TRIP11: variants seen among roughly 807,000 people sequenced by gnomAD.
TRIP11 encodes thyroid hormone receptor interactor 11, also known as thyroid receptor-interacting protein 11.
A neutral mutation model predicts 223.1 loss-of-function variants in TRIP11; 148 were observed. The observed-to-expected ratio is 0.66, with a 90% CI of 0.58 to 0.76. The LOEUF (loss-of-function observed/expected upper bound fraction) is 0.76, where lower values mean the gene tolerates loss of function less well. Ranked by LOEUF, TRIP11 falls within the 30% of genes least tolerant of loss-of-function variation. The pLI is 0.00. For synonymous variants in TRIP11, 762 were observed against 772.6 expected (o/e 0.99, Z 0.23); for missense variants, 2,043 against 2,222.0 (o/e 0.92, Z 1.62).
At chr14:92,007,484 T>C (rs1426182510) in intron 10 of TRIP11, among the ~76,000 whole-genome samples, 156 bp downstream of exon 10, 3 of 152,252 alleles carry the variant, frequency 2.0e-5, no homozygotes, top group African/African-American at 7.2e-5. Context: ...TGAGACAATA[T>C]GGCCTACAAG....
At chr14:92,010,424 G>C (rs1475666288) in intron 9 of TRIP11, among the ~76,000 whole-genome samples, 1 of 152,160 alleles carries the variant, frequency 6.6e-6, no homozygotes, top group African/African-American at 2.4e-5. Flanking sequence ...CAGCAACTCA[G>C]GAGGTTGAGG....
rs1171659957 is a variant in TRIP11, at chr14:92,039,634, G to A, written c.52C>T (p.Gln18Ter). Reference sequence around the variant, plus strand: ...AGGGAAGCCAGGCTGCCCCCGACTTGACCCAGAGACTGGCCCAATCCGGAG... The same window carrying A: ...AGGGAAGCCAGGCTGCCCCCGACTTAACCCAGAGACTGGCCCAATCCGGAG... The part of the protein sequence containing the change: ...LGSGLGQSLG[Q>*]VGGSLASLTG... The change falls in exon 1 of 21, where the codon CAA becomes TAA. Residue 18 changes from glutamine to a stop codon, truncating the protein, a stop_gained. Coordinates refer to ENST00000267622, the MANE Select transcript of TRIP11 (RefSeq NM_004239.4). LOFTEE classifies it high-confidence loss of function. 6.2e-7 allele frequency: 1 copy of A among 1,612,518 alleles called. No individual in the cohort carries two copies. Among genetic ancestry groups the A allele is most frequent in the Non-Finnish European group, 8.5e-7 (1 of 1,179,388 alleles).
chr14:92,030,315 C>G (rs1216691042), intron 2 of TRIP11, among the ~76,000 whole-genome samples: 3 of 151,980 alleles, frequency 2.0e-5, no homozygotes, highest in African/African-American at 7.2e-5. Flanking sequence ...ATACTTCACT[C>G]TGCATTATTT....
intron 4 of TRIP11, among the ~76,000 whole-genome samples, 165 bp downstream of exon 4, chr14:92,021,391 A>G (rs1316285527): frequency 7.2e-6 from 1 of 138,716 alleles, no homozygotes; most frequent in Non-Finnish European, 1.5e-5. Flanking sequence ...TCTGTCTCAA[A>G]AAAAAAAAAA....
chr14:91,987,903 T>C (rs769724578), intron 16 of TRIP11, among the ~76,000 whole-genome samples: 11 of 152,236 alleles, frequency 7.2e-5, no homozygotes, highest in Non-Finnish European at 1.5e-4. Flanking sequence ...AGAAAGTTGC[T>C]CTTTTATTTG....
At chr14:91,981,982 A>G (rs2056551439) in intron 16 of TRIP11, among the ~76,000 whole-genome samples, 1 of 152,106 alleles carries the variant, frequency 6.6e-6, no homozygotes, top group African/African-American at 2.4e-5. Context: ...GCCTCTTAAA[A>G]ATAAAAATAA....
intron 12 of TRIP11, 148 bp from the exon 13 acceptor site, chr14:91,999,581 A>G: frequency 4.5e-6 from 4 of 896,732 alleles, no homozygotes; most frequent in Non-Finnish European, 6.8e-6. Context: ...CTAGGAAAAA[A>G]TTATCTTGAA....
In TRIP11 at chr14:92,003,883, T is replaced by G. The variant is rs756307294; in HGVS notation, c.4093A>C (p.Thr1365Pro). 6.2e-7 allele frequency: 1 copy of G among 1,613,838 alleles called. No homozygotes were observed. Among genetic ancestry groups the G allele is most frequent in the Non-Finnish European group, 8.5e-7 (1 of 1,180,020 alleles). The change falls in exon 11 of 21, where the codon ACT (threonine) becomes CCT (proline). Residue 1365 changes from threonine to proline, a missense_variant. Thr to Pro is a conservative substitution (Grantham distance 38). Coordinates refer to ENST00000267622, the MANE Select transcript of TRIP11 (RefSeq NM_004239.4). ...AATCTGTGGTTATTTTCCTGGAGAG[T>G]TCTAATTGTTGCATCTTTTTCCTGT... ...SLQEKDATIR[T>P]LQENNHRLSD...
chr14:92,004,637 G>A lies in TRIP11; in HGVS notation c.3339C>T (p.Ser1113=). ...AVLNEKTREN[S]HLKTEYHKMM... ...TTTTGTGATATTCTGTTTTTAGATG[G>A]CTATTTTCCCTAGTCTTCTCATTCA... The change falls in exon 11 of 21, where the codon AGC becomes AGT. Residue 1113 remains serine, a synonymous_variant. Transcript: ENST00000267622. The A allele has an allele frequency of 6.2e-7, 1 of 1,614,012 alleles. No homozygotes were observed. Among genetic ancestry groups the A allele is most frequent in the Non-Finnish European group, 8.5e-7 (1 of 1,179,996 alleles).
Position 92,005,258 on chromosome 14 carries a change from T to A in TRIP11, c.2718A>T (p.Glu906Asp). ...GATGTTTAATTTCCTCTTCAAGATGTTCCTTGATCGTGTTCAGTTGAGATA... is the reference window on the plus strand; with the variant it reads ...GATGTTTAATTTCCTCTTCAAGATGATCCTTGATCGTGTTCAGTTGAGATA... ...SEVSQLNTIKEHLEEEIKHHQ... is the reference protein window; with the variant it reads ...SEVSQLNTIKDHLEEEIKHHQ... Residue 906 changes from glutamate (E) to aspartate (D), a missense_variant, in exon 11 of 21, where the codon GAA becomes GAT. By Grantham distance (45) the Glu-to-Asp change is conservative. Coordinates refer to ENST00000267622, the MANE Select transcript of TRIP11 (RefSeq NM_004239.4). 4.3e-6 allele frequency: 7 copies of A among 1,614,190 alleles called. No individual in the cohort carries two copies. The highest frequency in any genetic ancestry group is 5.9e-6 in the Non-Finnish European group (7 of 1,180,022).
At chr14:91,983,785 G>A (rs561570145) in intron 16 of TRIP11, among the ~76,000 whole-genome samples, 6 of 152,234 alleles carry the variant, frequency 3.9e-5, no homozygotes, top group South Asian at 2.1e-4. Flanking sequence ...GTAACAAAGC[G>A]TCTGGGAATG....
At chr14:92,021,016 G>A (rs1595402233) in intron 4 of TRIP11, among the ~76,000 whole-genome samples, 1 of 147,584 alleles carries the variant, frequency 6.8e-6, no homozygotes, top group East Asian at 2.0e-4. Flanking sequence ...GTTGCAGTGA[G>A]CCAATACTGT....
In TRIP11 at chr14:92,037,833, G is replaced by A. The variant is rs2057339963; in HGVS notation, c.139+1714C>T. 1.3e-5 allele frequency among the ~76,000 whole-genome samples: 2 copies of A among 152,304 alleles called. No homozygotes were observed. The highest frequency in any genetic ancestry group is 6.5e-5 in the Admixed American group (1 of 15,304). On this transcript the variant is annotated intron_variant, in intron 1 of 20. Coordinates refer to ENST00000267622, the MANE Select transcript of TRIP11 (RefSeq NM_004239.4). This position sits in a 1 kb window ranked among gnomAD's most constrained non-coding sequence, Gnocchi z 4.2. Reference sequence around the variant, plus strand: ...GAAGGTTGCAGCGAGCCGAGATCGCGCCACTGCATCCAGCCTACGCAACAG... The same window carrying A: ...GAAGGTTGCAGCGAGCCGAGATCGCACCACTGCATCCAGCCTACGCAACAG...
chr14:91,990,535 C>T (rs2056658347), intron 15 of TRIP11, among the ~76,000 whole-genome samples: 1 of 152,130 alleles, frequency 6.6e-6, no homozygotes, highest in Admixed American at 6.6e-5. Flanking sequence ...GTGACACATG[C>T]CTATAGTCCC....
At chr14:91,983,102 C>T (rs549755391) in intron 16 of TRIP11, among the ~76,000 whole-genome samples, 1 of 152,296 alleles carries the variant, frequency 6.6e-6, no homozygotes, top group South Asian at 2.1e-4. Context: ...TCAAGTGAGC[C>T]CTTCACTAAC....
At chr14:92,011,820 A>G (rs773108968) in intron 7 of TRIP11, 25 bp from the exon 8 acceptor site, 4 of 1,606,280 alleles carry the variant, frequency 2.5e-6, no homozygotes, top group Non-Finnish European at 2.6e-6. Flanking sequence ...AATGAACTTG[A>G]CATTAAAATT....
chr14:91,981,564 T>C (rs988562194), intron 16 of TRIP11, among the ~76,000 whole-genome samples: 30 of 152,012 alleles, frequency 2.0e-4, no homozygotes, highest in Non-Finnish European at 3.8e-4. Context: ...CCAATTTTTT[T>C]GTATTTTTAG....
chr14:92,004,246 C>T lies in TRIP11; in HGVS notation c.3730G>A (p.Glu1244Lys), dbSNP rs568313894. ...TGTGCTTGAAGTTGGTGAAGCTCTT[C>T]CTGAAGCTGGGCTGACTCGTGTTGC... ...NMQHESAQLQ[E>K]ELHQLQAQVL... Residue 1244 changes from glutamate (E) to lysine (K), a missense_variant, in exon 11 of 21, where the codon GAA becomes AAA. Glu to Lys is a moderately conservative substitution (Grantham distance 56, BLOSUM62 1). Transcript: ENST00000267622. 1 of 1,614,114 alleles carries T rather than the reference C, an allele frequency of 6.2e-7. No homozygotes were observed. Among genetic ancestry groups the T allele is most frequent in the South Asian group, 1.1e-5 (1 of 91,076 alleles).
At chr14:91,998,259 C>T (rs2140108928) in intron 13 of TRIP11, among the ~76,000 whole-genome samples, 1 of 152,232 alleles carries the variant, frequency 6.6e-6, no homozygotes, top group South Asian at 2.1e-4. Context: ...AGTATAATCT[C>T]AGAAGTTTTA....
Sources: allele counts gnomAD v4.1 joint callset (sites outside exome capture counted in the v4.1 genomes callset), GRCh38; gene constraint gnomAD v4.1.1; non-coding constraint Gnocchi (gnomAD v3.1); transcripts MANE v1.5; gene names NCBI Gene and HGNC (gene_info 2026-07-23, HGNC 2026-07-21).